The following DCLK2 variants were observed in gnomAD, a reference collection of about 807,000 sequenced individuals.
The protein encoded by DCLK2 is doublecortin like kinase 2, also known as serine/threonine-protein kinase DCLK2.
In DCLK2, 31 loss-of-function variants were observed where a neutral mutation model predicts 78.4. That is an observed-to-expected ratio of 0.40 (90% CI 0.30 to 0.53). The LOEUF (loss-of-function observed/expected upper bound fraction) is 0.53, where lower values mean the gene tolerates loss of function less well. Ranked by LOEUF, DCLK2 falls within the 20% of genes least tolerant of loss-of-function variation. The pLI, the probability that DCLK2 is intolerant of heterozygous loss-of-function variation, is 0.61. For missense variants in DCLK2, 872 were observed against 973.7 expected, an observed-to-expected ratio of 0.90 and a Z score of 1.39; for synonymous variants, 407 against 374.9, an observed-to-expected ratio of 1.09 and a Z score of -0.99.
At chr4:150,141,697 G>T (rs1050047568) in intron 2 of DCLK2, among the ~76,000 whole-genome samples, 2 of 152,188 alleles carry the variant, frequency 1.3e-5, no homozygotes, top group East Asian at 3.8e-4. Context: ...TAAACCTGAG[G>T]TGTACGTTCA....
intron 8 of DCLK2, among the ~76,000 whole-genome samples, chr4:150,230,462 TGAG>T (rs1253693724): frequency 1.3e-5 from 2 of 152,038 alleles, no homozygotes; most frequent in Admixed American, 6.6e-5. Context: ...TTGGGTAAAA[TGAG>T]GAGCAGGAAG....
At chr4:150,155,096 G>A (rs985248439) in intron 2 of DCLK2, among the ~76,000 whole-genome samples, 5 of 152,164 alleles carry the variant, frequency 3.3e-5, no homozygotes, top group African/African-American at 1.2e-4. Flanking sequence ...GCTGGGTGTG[G>A]TGGCATGCAC....
chr4:150,181,859 G>A (rs1737554514), intron 2 of DCLK2, among the ~76,000 whole-genome samples: 1 of 152,112 alleles, frequency 6.6e-6, no homozygotes, highest in South Asian at 2.1e-4. Context: ...AACATTTACT[G>A]GGAACAAAGA....
chr4:150,137,199 T>C (rs1733754967), intron 2 of DCLK2, among the ~76,000 whole-genome samples: 1 of 152,072 alleles, frequency 6.6e-6, no homozygotes, highest in South Asian at 2.1e-4. Context: ...TCAGCTGAGC[T>C]GCAAGATAGT....
chr4:150,188,942 GA>G (rs1267808147), intron 2 of DCLK2, among the ~76,000 whole-genome samples: 1 of 146,952 alleles, frequency 6.8e-6, no homozygotes, highest in Non-Finnish European at 1.5e-5. Context: ...AGCTTCTATG[GA>G]AAAAAAAAGT....
At chr4:150,250,908 T>C (rs182734046) in intron 15 of DCLK2, among the ~76,000 whole-genome samples, 71 of 12,978 alleles carry the variant, frequency 5.5e-3, no homozygotes, top group Middle Eastern at 0.036. Flanking sequence ...ACCCCCCACA[T>C]CCCCACACAC....
intron 1 of DCLK2, among the ~76,000 whole-genome samples, chr4:150,084,875 C>T (rs186852128): frequency 1.3e-5 from 2 of 152,258 alleles, no homozygotes; most frequent in Admixed American, 6.5e-5. Flanking sequence ...GCTACCACTG[C>T]ATCTGTGTTT....
intron 4 of DCLK2, 110 bp from the exon 5 acceptor site, chr4:150,203,685 G>A (rs1320883051): frequency 1.1e-5 from 8 of 699,062 alleles, no homozygotes; most frequent in African/African-American, 1.1e-4. Flanking sequence ...AGCTGAAAAC[G>A]AGTTGAAGCT....
intron 2 of DCLK2, among the ~76,000 whole-genome samples, chr4:150,123,694 G>A (rs1732727514): frequency 6.6e-6 from 1 of 152,146 alleles, no homozygotes; most frequent in South Asian, 2.1e-4. Context: ...GTGAAGTGCA[G>A]AGATATCCCT....
intron 1 of DCLK2, among the ~76,000 whole-genome samples, chr4:150,084,250 A>C (rs1470883428): frequency 1.3e-5 from 2 of 152,240 alleles, no homozygotes; most frequent in Non-Finnish European, 2.9e-5. Context: ...AAATTCATTG[A>C]TTAAATAACT....
chr4:150,142,239 G>A (rs2150215049), intron 2 of DCLK2, among the ~76,000 whole-genome samples: 1 of 152,086 alleles, frequency 6.6e-6, no homozygotes, highest in East Asian at 1.9e-4. Context: ...CAGTTTTCAG[G>A]AGCACATCTG....
intron 2 of DCLK2, among the ~76,000 whole-genome samples, chr4:150,179,220 G>C (rs1267912447): frequency 6.6e-6 from 1 of 152,066 alleles, no homozygotes; most frequent in African/African-American, 2.4e-5. Flanking sequence ...AGTAGAGACA[G>C]GGTTTCACCG....
intron 11 of DCLK2, 106 bp from the exon 12 acceptor site, chr4:150,240,293 A>T: frequency 1.1e-6 from 1 of 917,766 alleles, no homozygotes; most frequent in South Asian, 1.7e-5. Context: ...GAATAATTTA[A>T]CACTAAAATA....
chr4:150,112,220 G>A (rs956456806), intron 2 of DCLK2, among the ~76,000 whole-genome samples: 2 of 151,838 alleles, frequency 1.3e-5, no homozygotes, highest in Admixed American at 1.3e-4. Context: ...TTTATTTTTT[G>A]CAGCTATTGT....
intron 2 of DCLK2, among the ~76,000 whole-genome samples, chr4:150,190,219 A>ATGGATAGG (rs1738309016): frequency 7.7e-6 from 1 of 130,560 alleles, no homozygotes; most frequent in African/African-American, 2.7e-5. Flanking sequence ...AGATAGATAG[A>ATGGATAGG]TGGATAGATG....
chr4:150,083,264 G>T lies in DCLK2; in HGVS notation c.421+3816G>T, dbSNP rs77416757. 5.3e-3 allele frequency among the ~76,000 whole-genome samples: 814 copies of T among 152,254 alleles called. 5 individuals are homozygous for T. The highest frequency in any genetic ancestry group is 0.019 in the African/African-American group (771 of 41,546). On this transcript the variant is annotated intron_variant, in intron 1 of 15. Transcript: ENST00000296550. ...GAGTCAAAGGCATTAAGAGCTACCT[G>T]TGTCTGCCTCTCTCATTCCAAAATA...
At chr4:150,105,671 A>G (rs1053912487) in intron 2 of DCLK2, among the ~76,000 whole-genome samples, 2 of 152,206 alleles carry the variant, frequency 1.3e-5, no homozygotes, top group Non-Finnish European at 1.5e-5. Flanking sequence ...TAAAAATTTC[A>G]TCCCAGCATA....
rs2150123385 is a variant in DCLK2, at chr4:150,078,958, C to G, written c.-70C>G. On this transcript the variant is annotated 5_prime_UTR_variant, in exon 1 of 16. Coordinates refer to ENST00000296550, the MANE Select transcript of DCLK2 (RefSeq NM_001040260.4). ...GTTAAGGGCCCTCGCAGTCAGACGT[C>G]CCTGCACCGGCGCTCGCACCCTTAG... 38 of 1,460,056 alleles carry G rather than the reference C, an allele frequency of 2.6e-5. 1 individual carries two copies. In the South Asian group the frequency reaches 5.1e-4, roughly 20 times the overall value. The allele number at this position is 1,460,056 out of a possible 1,614,324, so 90.4% of individuals were successfully genotyped here. A position where few individuals can be genotyped will look rare whatever the true frequency, so the allele number is the denominator to read the frequency against.
intron 2 of DCLK2, among the ~76,000 whole-genome samples, chr4:150,178,092 C>T (rs181587322): frequency 3.3e-4 from 50 of 152,232 alleles, no homozygotes; most frequent in Admixed American, 3.3e-3. Flanking sequence ...AAAATGAAAA[C>T]AAAAAGAGTT....
Sources: gnomAD v4.1 joint callset for allele counts (sites outside exome capture counted in the v4.1 genomes callset) on GRCh38, gnomAD v4.1.1 for gene constraint, MANE v1.5 for transcripts, NCBI Gene and HGNC (gene_info 2026-07-23, HGNC 2026-07-21) for gene names.